The following RIN2 variants were observed in gnomAD, a reference collection of about 807,000 sequenced individuals.
RIN2 encodes Ras and Rab interactor 2, also known as RAB5 interacting protein 2.
In RIN2, 36 loss-of-function variants were observed where a neutral mutation model predicts 78.0. The ratio of observed to expected loss-of-function variants is 0.46; its 90% CI spans 0.35 to 0.61. The LOEUF is 0.61. Ranked by LOEUF, RIN2 falls within the 20% of genes least tolerant of loss-of-function variation. The pLI, the probability that RIN2 is intolerant of heterozygous loss-of-function variation, is 0.00. For synonymous variants in RIN2, 466 were observed against 466.8 expected (o/e 1.00, Z 0.02); for missense variants, 1,087 against 1,159.7 (o/e 0.94, Z 0.91).
chr20:20,000,603 C>G lies in RIN2; in HGVS notation c.2365-10C>G, dbSNP rs2043113823. 1.9e-6 allele frequency: 3 copies of G among 1,581,430 alleles called. No homozygotes were observed. The highest frequency in any genetic ancestry group is 1.7e-6 in the Non-Finnish European group (2 of 1,159,318). On this transcript the variant is annotated splice_polypyrimidine_tract_variant and intron_variant, in intron 12 of 12. Transcript: ENST00000255006. ...TTCTGACTGTCTCAACATTCCTCTT[C>G]CACCTGCAGAATTACCTCCGAGTTG... is the stretch of plus-strand genomic sequence containing the variant.
intron 2 of RIN2, among the ~76,000 whole-genome samples, chr20:19,844,674 T>TTCC (rs2036712116): frequency 8.9e-5 from 6 of 67,098 alleles, no homozygotes; most frequent in African/African-American, 3.8e-4. Context: ...TTCTTCCTTC[T>TTCC]TCTTCTTCTT....
chr20:19,935,467 A>G (rs916663143), intron 4 of RIN2: 3 of 1,222,982 alleles, frequency 2.5e-6, no homozygotes, highest in Non-Finnish European at 3.1e-6. Flanking sequence ...TGTCTGTGCC[A>G]TATCCACCTA....
At chr20:19,872,471 C>T (rs1356689024) in intron 2 of RIN2, among the ~76,000 whole-genome samples, 1 of 152,170 alleles carries the variant, frequency 6.6e-6, no homozygotes, top group Non-Finnish European at 1.5e-5. Context: ...GTACCTCGCT[C>T]ACTTCCTCCT....
At chr20:19,985,194 T>A (rs1601048510) in intron 9 of RIN2, among the ~76,000 whole-genome samples, 1 of 152,218 alleles carries the variant, frequency 6.6e-6, no homozygotes, top group African/African-American at 2.4e-5. Flanking sequence ...CTTGTCTATC[T>A]CCAGCCTCTG....
chr20:19,988,823 A>G (rs772710325), intron 9 of RIN2, among the ~76,000 whole-genome samples: 6 of 152,142 alleles, frequency 3.9e-5, no homozygotes, highest in Non-Finnish European at 8.8e-5. Flanking sequence ...AAAATATCAT[A>G]AAGAAATATC....
At chr20:19,956,257 C>CAAAAAA (rs11483774) in intron 4 of RIN2, among the ~76,000 whole-genome samples, 51 of 49,984 alleles carry the variant, frequency 1.0e-3, no homozygotes, top group South Asian at 2.2e-3. Context: ...GACTCCATCT[C>CAAAAAA]AAAAAAAAAA....
chr20:19,817,009 C>T (rs2035786134), intron 2 of RIN2, among the ~76,000 whole-genome samples: 1 of 150,588 alleles, frequency 6.6e-6, no homozygotes, highest in South Asian at 2.1e-4. Flanking sequence ...GAGACATAGT[C>T]ATATAGAGAA....
At position 19,975,069 on chromosome 20, in the gene RIN2, G is replaced by A; in HGVS notation, c.1044G>A (p.Leu348=). 6.2e-7 allele frequency: 1 copy of A among 1,613,394 alleles called. No individual in the cohort carries two copies. The highest frequency in any genetic ancestry group is 8.5e-7 in the Non-Finnish European group (1 of 1,179,876). ...VNHNKHGNVA[L]PGTKPTPIPP... The stretch of plus-strand genomic sequence containing the variant: ...ATAACAAACATGGGAACGTAGCTCT[G>A]CCTGGAACGAAACCAACTCCCATCC... Residue 348 remains leucine, a synonymous_variant, in exon 9 of 13, where the codon CTG becomes CTA. Transcript: ENST00000255006. The surrounding 1 kb of genome is among the most constrained non-coding windows in gnomAD (Gnocchi z 4.9).
chr20:19,820,862 A>C (rs1262063374), intron 2 of RIN2, among the ~76,000 whole-genome samples: 1 of 152,250 alleles, frequency 6.6e-6, no homozygotes, highest in Non-Finnish European at 1.5e-5. Flanking sequence ...TGGAGCAAGC[A>C]GACCTAATTT....
intron 3 of RIN2, among the ~76,000 whole-genome samples, chr20:19,933,384 C>T (rs1289272358): frequency 6.6e-6 from 1 of 152,196 alleles, no homozygotes; most frequent in Non-Finnish European, 1.5e-5. Context: ...TCATGGCATT[C>T]TTGTCATTCA....
At chr20:19,992,139 A>G (rs763942771) in intron 10 of RIN2, 29 bp from the exon 11 acceptor site, 10 of 1,606,294 alleles carry the variant, frequency 6.2e-6, no homozygotes, top group Non-Finnish European at 7.7e-6. Flanking sequence ...TGGTAAAAAT[A>G]TTCCATCTCC....
In RIN2 at chr20:19,864,321, GC is replaced by G. The variant is rs1323568981; in HGVS notation, c.-36-25244del. Among the ~76,000 whole-genome samples, 5 of 152,134 alleles carry G rather than the reference GC, an allele frequency of 3.3e-5. No homozygotes were observed. The East Asian group carries it at 5.8e-4, about 18-fold the overall frequency. On this transcript the variant is annotated intron_variant, in intron 2 of 12. Coordinates refer to ENST00000255006, the MANE Select transcript of RIN2 (RefSeq NM_018993.4). ...GTTAAGTTTGCCCCACAGGGCACAAGCTTTTTGGCAAAACATTCAACTGTTT... is the reference window on the plus strand; with the variant it reads ...GTTAAGTTTGCCCCACAGGGCACAAGTTTTTGGCAAAACATTCAACTGTTT...
chr20:19,927,537 C>T (rs1438616432), intron 3 of RIN2, among the ~76,000 whole-genome samples: 6 of 152,028 alleles, frequency 3.9e-5, no homozygotes, highest in African/African-American at 1.4e-4. Context: ...GCCTCAGCCT[C>T]CTGAGTAGCT....
intron 4 of RIN2, among the ~76,000 whole-genome samples, chr20:19,942,451 T>G (rs549199759): frequency 6.6e-6 from 1 of 152,338 alleles, no homozygotes; most frequent in South Asian, 2.1e-4. Flanking sequence ...AAAGAAACAT[T>G]TAAGATTTCT....
intron 2 of RIN2, among the ~76,000 whole-genome samples, chr20:19,860,607 G>A (rs2037305381): frequency 6.6e-6 from 1 of 152,180 alleles, no homozygotes; most frequent in East Asian, 1.9e-4. Flanking sequence ...ACAGGCATGA[G>A]CCACTGCACC....
At chr20:19,920,017 G>A (rs754262577) in intron 3 of RIN2, among the ~76,000 whole-genome samples, 10 of 152,154 alleles carry the variant, frequency 6.6e-5, no homozygotes, top group South Asian at 6.2e-4. Context: ...ATCCCAGGCC[G>A]GGCGCAGTGG....
chr20:19,823,546 A>G lies in RIN2; in HGVS notation c.-37+23799A>G, dbSNP rs2035992187. ...ACAGCCCACAGACTGGGCAGTCCCC[A>G]GGATCTCTTTAGTGGTTCCAGAGAG... On this transcript the variant is annotated intron_variant, in intron 2 of 12. Transcript: ENST00000255006. The G allele has an allele frequency of 5.4e-6, 7 of 1,307,710 alleles. No individual in the cohort carries two copies. The Admixed American group carries it at 1.0e-4, about 19-fold the overall frequency. 81.0% of individuals were successfully genotyped at this position (1,307,710 alleles called of 1,614,324 possible).
chr20:19,763,100 C>T (rs1214527261), intron 1 of RIN2, among the ~76,000 whole-genome samples: 1 of 152,094 alleles, frequency 6.6e-6, no homozygotes, highest in Non-Finnish European at 1.5e-5. Flanking sequence ...GTTTAAAAGT[C>T]CTGGCCAGGT....
At chr20:19,976,111 C>T (rs1347457377) in intron 9 of RIN2, among the ~76,000 whole-genome samples, 1 of 152,210 alleles carries the variant, frequency 6.6e-6, no homozygotes, top group East Asian at 1.9e-4. Flanking sequence ...GCGTGCTTCT[C>T]TGCAGGCTGT....
Sources: allele counts gnomAD v4.1 joint callset (sites outside exome capture counted in the v4.1 genomes callset), GRCh38; gene constraint gnomAD v4.1.1; non-coding constraint Gnocchi (gnomAD v3.1); transcripts MANE v1.5; gene names NCBI Gene and HGNC (gene_info 2026-07-23, HGNC 2026-07-21).